IL1RAP: variants seen among roughly 807,000 people sequenced by gnomAD.
The protein encoded by IL1RAP is interleukin 1 receptor accessory protein.
A neutral mutation model predicts 60.7 loss-of-function variants in IL1RAP; 35 were observed. The ratio of observed to expected loss-of-function variants is 0.58; its 90% CI spans 0.44 to 0.76. The LOEUF (loss-of-function observed/expected upper bound fraction) is 0.76, where lower values mean the gene tolerates loss of function less well. Ranked by LOEUF, IL1RAP falls within the 30% of genes least tolerant of loss-of-function variation. The pLI, the probability that IL1RAP is intolerant of heterozygous loss-of-function variation, is 0.00. For synonymous variants in IL1RAP, 268 were observed against 250.9 expected (o/e 1.07, Z -0.64); for missense variants, 572 against 693.9 (o/e 0.82, Z 1.97).
At chr3:190,537,959 A>G (rs1353935773) in intron 1 of IL1RAP, among the ~76,000 whole-genome samples, 1 of 151,880 alleles carries the variant, frequency 6.6e-6, no homozygotes, top group Non-Finnish European at 1.5e-5. Flanking sequence ...TGAGAACTTT[A>G]CTCAGATTAT....
chr3:190,658,570 A>G (rs1734687327), exon 12 of IL1RAP: 1 of 152,228 alleles, frequency 6.6e-6, no homozygotes, highest in Non-Finnish European at 1.5e-5. Context: ...CTACTCCTGA[A>G]CATGAGCAGA....
intron 9 of IL1RAP, among the ~76,000 whole-genome samples, chr3:190,636,633 A>G (rs1733248383): frequency 6.6e-6 from 1 of 151,678 alleles, no homozygotes; most frequent in Non-Finnish European, 1.5e-5. Flanking sequence ...GCTTTCTTAT[A>G]ATTAGTATAT....
chr3:190,645,916 G>A, intron 11 of IL1RAP, 74 bp downstream of exon 11: 7 of 1,283,620 alleles, frequency 5.5e-6, no homozygotes, highest in East Asian at 2.4e-5. Flanking sequence ...CATTATGGGA[G>A]AGAGTCATGG....
chr3:190,623,830 T>C (rs934228121), intron 7 of IL1RAP, among the ~76,000 whole-genome samples: 1 of 152,218 alleles, frequency 6.6e-6, no homozygotes. Flanking sequence ...TAACAACTGA[T>C]AAAACTAGTA....
In IL1RAP at chr3:190,648,807, G is replaced by T; in HGVS notation, c.*102G>T. The T allele has an allele frequency of 1.4e-6, 2 of 1,472,668 alleles. No individual in the cohort carries two copies. The highest frequency in any genetic ancestry group is 1.8e-6 in the Non-Finnish European group (2 of 1,113,252). The allele number at this position is 1,472,668 out of a possible 1,614,324, so 91.2% of individuals were successfully genotyped here. ...TATGGTTTCATAGGCAAAAATAATG[G>T]TCTAAGCCTCCCAATAGGGATAAAT... On this transcript the variant is annotated 3_prime_UTR_variant, in exon 12 of 12. Coordinates refer to ENST00000447382, the MANE Select transcript of IL1RAP (RefSeq NM_002182.4).
At chr3:190,598,305 C>T (rs1001110809) in intron 3 of IL1RAP, among the ~76,000 whole-genome samples, 2 of 152,048 alleles carry the variant, frequency 1.3e-5, no homozygotes, top group Non-Finnish European at 2.9e-5. Flanking sequence ...CATTTGCTAT[C>T]CAACTGTTTT....
chr3:190,533,869 A>C (rs1723199214), intron 1 of IL1RAP, among the ~76,000 whole-genome samples: 1 of 152,162 alleles, frequency 6.6e-6, no homozygotes, highest in African/African-American at 2.4e-5. Context: ...GCAGCATATG[A>C]GAAAGTATCT....
intron 8 of IL1RAP, among the ~76,000 whole-genome samples, chr3:190,628,568 G>A (rs6444445): frequency 0.9 from 136,972 of 152,262 alleles, 61,819 homozygotes; most frequent in East Asian, 1. Flanking sequence ...AGTTCAAAGG[G>A]ATTTTAAATT....
At chr3:190,634,732 T>TTTTTTTTTTTTG in intron 9 of IL1RAP, among the ~76,000 whole-genome samples, 1 of 148,460 alleles carries the variant, frequency 6.7e-6, no homozygotes, top group African/African-American at 2.6e-5. Context: ...GTTGTTTTTT[T>TTTTTTTTTTTTG]TGAGAAGGAG....
chr3:190,630,693 A>G (rs532749603), intron 9 of IL1RAP, among the ~76,000 whole-genome samples: 3 of 152,214 alleles, frequency 2.0e-5, no homozygotes, highest in Non-Finnish European at 2.9e-5. Context: ...ACTGAAGTAC[A>G]TGATGTAAGG....
chr3:190,587,062 A>G (rs953830466), intron 3 of IL1RAP, among the ~76,000 whole-genome samples: 11 of 152,214 alleles, frequency 7.2e-5, no homozygotes, highest in Admixed American at 6.5e-4. Context: ...GAGTCAGGCT[A>G]GAAAATACTC....
At chr3:190,557,983 C>A (rs1725568733) in intron 2 of IL1RAP, among the ~76,000 whole-genome samples, 1 of 152,110 alleles carries the variant, frequency 6.6e-6, no homozygotes, top group Non-Finnish European at 1.5e-5. Context: ...TGTTCTCGGT[C>A]ACTCCAGTTC....
intron 1 of IL1RAP, among the ~76,000 whole-genome samples, chr3:190,524,507 T>A (rs573446804): frequency 1.2e-3 from 181 of 152,318 alleles, no homozygotes; most frequent in African/African-American, 4.1e-3. Flanking sequence ...AATTTTTACG[T>A]ATGATGTAAG....
intron 1 of IL1RAP, among the ~76,000 whole-genome samples, chr3:190,538,853 G>T (rs1723692294): frequency 6.6e-6 from 1 of 152,180 alleles, no homozygotes; most frequent in East Asian, 1.9e-4. Flanking sequence ...TTTATAAGGG[G>T]CTCTCCCCTG....
chr3:190,575,865 ATGC>A (rs936798364), intron 3 of IL1RAP, among the ~76,000 whole-genome samples: 6 of 152,370 alleles, frequency 3.9e-5, no homozygotes, highest in African/African-American at 1.4e-4. Flanking sequence ...GCAGCTAGAA[ATGC>A]TGCATTTAAA....
intron 1 of IL1RAP, among the ~76,000 whole-genome samples, chr3:190,553,826 C>T (rs1467069499): frequency 6.6e-6 from 1 of 151,760 alleles, no homozygotes; most frequent in East Asian, 1.9e-4. Context: ...TTTGGGAGGC[C>T]GAGGCGGGCG....
At chr3:190,658,924 A>G (rs2108878116) in exon 12 of IL1RAP, 1 of 152,384 alleles carries the variant, frequency 6.6e-6, no homozygotes, top group Middle Eastern at 3.4e-3. Context: ...AAAATGACTT[A>G]GCACAACCCA....
At chr3:190,599,048 T>C (rs1207800183) in intron 3 of IL1RAP, among the ~76,000 whole-genome samples, 2 of 152,222 alleles carry the variant, frequency 1.3e-5, no homozygotes. Flanking sequence ...ACACTGTTAA[T>C]GACATCAGAT....
intron 9 of IL1RAP, among the ~76,000 whole-genome samples, chr3:190,634,967 G>A (rs1733105767): frequency 1.3e-5 from 2 of 152,106 alleles, no homozygotes; most frequent in African/African-American, 4.8e-5. Context: ...CGCCCGCCTA[G>A]GCCTCCCAAA....
Sources: allele counts gnomAD v4.1 joint callset (sites outside exome capture counted in the v4.1 genomes callset), GRCh38; gene constraint gnomAD v4.1.1; transcripts MANE v1.5; gene names NCBI Gene and HGNC (gene_info 2026-07-23, HGNC 2026-07-21).